The following SHISA9 variants were observed in gnomAD, a reference collection of about 807,000 sequenced individuals.
SHISA9 encodes the protein shisa family member 9.
A neutral mutation model predicts 38.0 loss-of-function variants in SHISA9; 13 were observed. The observed-to-expected ratio is 0.34, with a 90% CI of 0.22 to 0.54. The LOEUF is 0.54. Among genes scored for constraint, SHISA9 ranks in the 20% least tolerant of loss-of-function variants. SHISA9 has a pLI of 0.91. For missense variants in SHISA9, 538 were observed against 575.8 expected (o/e 0.93, Z 0.67); for synonymous variants, 275 against 242.0 (o/e 1.14, Z -1.27).
At chr16:13,176,933 C>T (rs941188545) in intron 2 of SHISA9, among the ~76,000 whole-genome samples, 2 of 152,068 alleles carry the variant, frequency 1.3e-5, no homozygotes, top group South Asian at 2.1e-4. Flanking sequence ...AGTGGTTACT[C>T]GGAGGCTGGG....
the SHISA9 span, among the ~76,000 whole-genome samples, chr16:13,498,079 A>G: frequency 6.6e-6 from 1 of 152,204 alleles, no homozygotes. Flanking sequence ...CAAATTAAAA[A>G]AATCAGATAA....
the SHISA9 span, among the ~76,000 whole-genome samples, chr16:13,525,008 C>G: frequency 2.4e-4 from 36 of 152,266 alleles, no homozygotes; most frequent in Non-Finnish European, 4.7e-4. Flanking sequence ...TATCAACACA[C>G]CAGTGAGAAC....
At chr16:12,944,428 CGAT>C (rs1448203535) in intron 2 of SHISA9, among the ~76,000 whole-genome samples, 1 of 152,188 alleles carries the variant, frequency 6.6e-6, no homozygotes, top group Non-Finnish European at 1.5e-5. Flanking sequence ...GGCATTGTTA[CGAT>C]GATGATTGTT....
At chr16:13,062,493 G>T (rs1238089708) in intron 2 of SHISA9, among the ~76,000 whole-genome samples, 1 of 152,126 alleles carries the variant, frequency 6.6e-6, no homozygotes, top group African/African-American at 2.4e-5. Flanking sequence ...GTCCTTTTGG[G>T]TCTTGAGTAG....
At chr16:13,164,448 C>G (rs1276481316) in intron 2 of SHISA9, among the ~76,000 whole-genome samples, 1 of 151,866 alleles carries the variant, frequency 6.6e-6, no homozygotes, top group African/African-American at 2.4e-5. Context: ...GTTTTCTTTT[C>G]CTTGTAATGT....
At chr16:13,009,204 A>C (rs1191316694) in intron 2 of SHISA9, among the ~76,000 whole-genome samples, 2 of 152,124 alleles carry the variant, frequency 1.3e-5, no homozygotes, top group Non-Finnish European at 2.9e-5. Flanking sequence ...GTTTCAGCAC[A>C]GATCTTCTTA....
chr16:13,035,200 A>T (rs2073039948), intron 2 of SHISA9, among the ~76,000 whole-genome samples: 1 of 152,196 alleles, frequency 6.6e-6, no homozygotes, highest in Non-Finnish European at 1.5e-5. Flanking sequence ...AGTATTCACT[A>T]TGCAGCATAC....
chr16:13,371,784 C>T, the SHISA9 span, among the ~76,000 whole-genome samples: 1 of 152,226 alleles, frequency 6.6e-6, no homozygotes, highest in Non-Finnish European at 1.5e-5. Flanking sequence ...TATCTAGACA[C>T]ATGCCTGGAA....
chr16:13,496,111 G>A, the SHISA9 span, among the ~76,000 whole-genome samples: 3 of 152,124 alleles, frequency 2.0e-5, no homozygotes, highest in Non-Finnish European at 4.4e-5. Flanking sequence ...AAATATACAT[G>A]ATAAGGTTTC....
intron 2 of SHISA9, among the ~76,000 whole-genome samples, chr16:13,197,081 A>G (rs2050950833): frequency 6.8e-6 from 1 of 146,354 alleles, no homozygotes. Context: ...GACAGAGTGA[A>G]ACTGTATCTC....
At chr16:12,991,151 A>G (rs2072380571) in intron 2 of SHISA9, among the ~76,000 whole-genome samples, 1 of 152,056 alleles carries the variant, frequency 6.6e-6, no homozygotes, top group South Asian at 2.1e-4. Flanking sequence ...ATGCTTATTC[A>G]TTGTTTGTAT....
the SHISA9 span, among the ~76,000 whole-genome samples, chr16:13,478,177 C>T: frequency 6.6e-6 from 1 of 152,148 alleles, no homozygotes; most frequent in South Asian, 2.1e-4. Flanking sequence ...TTGACGGCAT[C>T]TCATGTCTGT....
In SHISA9 at chr16:12,902,576, C is replaced by T. The variant is rs1302801747; in HGVS notation, c.512C>T (p.Thr171Ile). The change falls in exon 1 of 5, where the codon ACC becomes ATC. Residue 171 changes from threonine (T) to isoleucine (I), a missense_variant. This residue lies in a region of SHISA9 where 88 missense variants were observed against 109.7 expected (regional missense o/e 0.80). Transcript: ENST00000558583. ...VAVMVLVGIFTKLGLEKAHRP... is the reference protein window; with the variant it reads ...VAVMVLVGIFIKLGLEKAHRP... ...GTCATGGTGCTCGTGGGCATCTTCA[C>T]CAAGCTGGGGCTGGAGAAAGCGCAC... 1.3e-6 allele frequency: 2 copies of T among 1,551,256 alleles called. No homozygotes were observed. The highest frequency in any genetic ancestry group is 1.2e-5 in the South Asian group (1 of 84,050).
At chr16:13,333,769 C>T in the SHISA9 span, among the ~76,000 whole-genome samples, 1 of 152,144 alleles carries the variant, frequency 6.6e-6, no homozygotes, top group African/African-American at 2.4e-5. Flanking sequence ...AACCATCCTA[C>T]CCTTAGCAGC....
chr16:13,021,328 A>G (rs563395639), intron 2 of SHISA9, among the ~76,000 whole-genome samples: 49 of 152,292 alleles, frequency 3.2e-4, no homozygotes, highest in Middle Eastern at 6.8e-3. Flanking sequence ...CCTAACCCCA[A>G]TACTCATGAA....
intron 2 of SHISA9, among the ~76,000 whole-genome samples, chr16:13,148,250 C>T (rs1181345882): frequency 6.6e-6 from 1 of 152,098 alleles, no homozygotes; most frequent in Non-Finnish European, 1.5e-5. Context: ...TATACACAAA[C>T]ACATATTCCC....
chr16:13,538,584 A>G, the SHISA9 span, among the ~76,000 whole-genome samples: 1 of 152,206 alleles, frequency 6.6e-6, no homozygotes, highest in Non-Finnish European at 1.5e-5. Context: ...CCTAGTCTAA[A>G]TGGTTATGAT....
At chr16:13,028,559 A>G (rs1320532114) in intron 2 of SHISA9, among the ~76,000 whole-genome samples, 1 of 152,272 alleles carries the variant, frequency 6.6e-6, no homozygotes, top group African/African-American at 2.4e-5. Flanking sequence ...TACCATGAGA[A>G]CAGTATGGGG....
the SHISA9 span, among the ~76,000 whole-genome samples, chr16:13,365,291 A>G: frequency 9.2e-5 from 14 of 152,112 alleles, no homozygotes; most frequent in African/African-American, 2.9e-4. Flanking sequence ...ACTGCATTGC[A>G]TTGCCTCTGG....
Sources: allele counts gnomAD v4.1 joint callset (sites outside exome capture counted in the v4.1 genomes callset), GRCh38; gene constraint gnomAD v4.1.1; regional missense constraint gnomAD v4.1.1; transcripts MANE v1.5; gene names NCBI Gene and HGNC (gene_info 2026-07-23, HGNC 2026-07-21).